Variants in PRICKLE1 observed in about 807,000 individuals in gnomAD.
The protein encoded by PRICKLE1 is prickle-like protein 1.
Under a neutral mutation model 70.2 loss-of-function variants are expected in PRICKLE1, and 14 were observed. The observed-to-expected ratio is 0.20, with a 90% CI of 0.13 to 0.31. The LOEUF is 0.31. Among genes scored for constraint, PRICKLE1 ranks in the 10% least tolerant of loss-of-function variants. The pLI is 1.00. For synonymous variants in PRICKLE1, 357 were observed against 379.9 expected (o/e 0.94, Z 0.70); for missense variants, 821 against 1,026.2 (o/e 0.80, Z 2.73).
In PRICKLE1 at chr12:42,466,370, G is replaced by A; in HGVS notation, c.599C>T (p.Ala200Val). ...ACCCTCAGCTTCTGTGCACTCATCA[G>A]CAAAAATTATCTTCAAAAAGAAATG... Reference protein sequence around the residue: ...RCSACDEIIFADECTEAEGRH... With the variant: ...RCSACDEIIFVDECTEAEGRH... The change falls in exon 6 of 8, where the codon GCT (alanine) becomes GTT (valine). Residue 200 changes from alanine (A) to valine (V), a missense_variant. By Grantham distance (64) the Ala-to-Val change is moderately conservative. Transcript: ENST00000345127. 1 of 1,613,978 alleles carries A rather than the reference G, an allele frequency of 6.2e-7. No individual in the cohort carries two copies. Among genetic ancestry groups the A allele is most frequent in the Non-Finnish European group, 8.5e-7 (1 of 1,179,916 alleles).
chr12:42,521,882 GT>G (rs1939714160), intron 1 of PRICKLE1, among the ~76,000 whole-genome samples: 1 of 146,352 alleles, frequency 6.8e-6, no homozygotes, highest in African/African-American at 2.5e-5. Flanking sequence ...TTTGCTTTTG[GT>G]TTTAGTTATC....
chr12:42,526,560 T>C (rs746671576), intron 1 of PRICKLE1, among the ~76,000 whole-genome samples: 56 of 152,036 alleles, frequency 3.7e-4, no homozygotes, highest in Non-Finnish European at 6.6e-4. Context: ...AGGTTCTGTG[T>C]GGCTGAGAGT....
intron 1 of PRICKLE1, among the ~76,000 whole-genome samples, chr12:42,578,057 GA>G (rs1940830990): frequency 6.6e-6 from 1 of 152,166 alleles, no homozygotes; most frequent in Admixed American, 6.5e-5. Context: ...AGATGAATAT[GA>G]AAGTGTTTTG....
intron 1 of PRICKLE1, among the ~76,000 whole-genome samples, chr12:42,502,654 A>C (rs1939336841): frequency 6.6e-6 from 1 of 151,990 alleles, no homozygotes. Context: ...TCTCCTTTCT[A>C]CTTTCAACTA....
At chr12:42,513,360 A>T (rs925487013) in intron 1 of PRICKLE1, among the ~76,000 whole-genome samples, 5 of 152,200 alleles carry the variant, frequency 3.3e-5, no homozygotes, top group African/African-American at 1.2e-4. Context: ...TCACTGATGT[A>T]GCTCCAATAC....
chr12:42,477,523 T>C (rs1938615274), intron 1 of PRICKLE1, among the ~76,000 whole-genome samples: 3 of 71,088 alleles, frequency 4.2e-5, no homozygotes, highest in African/African-American at 1.9e-4. Flanking sequence ...TATATATATA[T>C]ATATATATAT....
At chr12:42,478,091 G>A (rs1938640911) in intron 1 of PRICKLE1, among the ~76,000 whole-genome samples, 2 of 151,060 alleles carry the variant, frequency 1.3e-5, no homozygotes, top group East Asian at 3.9e-4. Context: ...ATTTGCTTTT[G>A]CATCATCATC....
chr12:42,550,548 G>A (rs7975402), intron 1 of PRICKLE1, among the ~76,000 whole-genome samples: 29,541 of 152,056 alleles, frequency 0.19, 5,145 homozygotes, highest in African/African-American at 0.47. Flanking sequence ...CCCAAATGTC[G>A]TATTATAGGG....
Position 42,513,125 on chromosome 12 carries a change from C to T in PRICKLE1, c.-48-40561G>A, listed in dbSNP as rs140147841. On this transcript the variant is annotated intron_variant, in intron 1 of 7. Coordinates refer to ENST00000345127, the MANE Select transcript of PRICKLE1 (RefSeq NM_153026.3). The stretch of plus-strand genomic sequence containing the variant: ...TACAGGCGCCTGCCACCATGCCTGG[C>T]TAATTTTTGTATTTTTAGTAGAAAG... Among the ~76,000 whole-genome samples the T allele has an allele frequency of 4.8e-3, 727 of 152,186 alleles. 6 individuals carry two copies. Among genetic ancestry groups the T allele is most frequent in the African/African-American group, 0.016 (675 of 41,542 alleles).
chr12:42,515,240 A>ATTT (rs11360372), intron 1 of PRICKLE1, among the ~76,000 whole-genome samples: 13 of 138,700 alleles, frequency 9.4e-5, no homozygotes, highest in African/African-American at 3.2e-4. Context: ...GGCATTATCT[A>ATTT]TTTTTTTTTT....
intron 1 of PRICKLE1, among the ~76,000 whole-genome samples, chr12:42,584,657 T>G (rs1405803009): frequency 6.6e-6 from 1 of 152,148 alleles, no homozygotes; most frequent in Non-Finnish European, 1.5e-5. Flanking sequence ...TGGAACACAC[T>G]TCGAAATGCT....
chr12:42,500,601 C>T (rs1243649908), intron 1 of PRICKLE1, among the ~76,000 whole-genome samples: 1 of 151,504 alleles, frequency 6.6e-6, no homozygotes. Context: ...CATTAACAAA[C>T]TTTTCAGACA....
intron 1 of PRICKLE1, among the ~76,000 whole-genome samples, chr12:42,496,314 A>G (rs1005389845): frequency 6.6e-6 from 1 of 152,246 alleles, no homozygotes; most frequent in East Asian, 1.9e-4. Flanking sequence ...ATAGTAAACC[A>G]TGCTATAAAC....
chr12:42,567,984 A>G (rs1351894554), intron 1 of PRICKLE1, among the ~76,000 whole-genome samples: 2 of 152,124 alleles, frequency 1.3e-5, no homozygotes. Context: ...TATGATTTGC[A>G]CATCTTTGGT....
chr12:42,519,460 T>G (rs1189396418), intron 1 of PRICKLE1, among the ~76,000 whole-genome samples: 1 of 152,134 alleles, frequency 6.6e-6, no homozygotes, highest in East Asian at 1.9e-4. Context: ...CCTCCCAAAG[T>G]GCCGGGATTA....
chr12:42,468,550 GCTTGATGTAAA>G (rs2140113155), intron 5 of PRICKLE1, 65 bp downstream of exon 5: 1 of 1,309,628 alleles, frequency 7.6e-7, no homozygotes, highest in African/African-American at 1.5e-5. Flanking sequence ...TTAGTATTTT[GCTTGATGTAAA>G]CAGTGGAATA....
chr12:42,503,599 G>A lies in PRICKLE1; in HGVS notation c.-48-31035C>T, dbSNP rs1185825440. 2.0e-5 allele frequency among the ~76,000 whole-genome samples: 3 copies of A among 152,252 alleles called. No homozygotes were observed. The East Asian group carries it at 5.8e-4, about 29-fold the overall frequency. On this transcript the variant is annotated intron_variant, in intron 1 of 7. Coordinates refer to ENST00000345127, the MANE Select transcript of PRICKLE1 (RefSeq NM_153026.3). The stretch of plus-strand genomic sequence containing the variant: ...TAACATACACACACAAAACAAACAA[G>A]AGCCACTGACTTCAATACTTGTTCT...
At chr12:42,512,711 G>C (rs1446170245) in intron 1 of PRICKLE1, among the ~76,000 whole-genome samples, 1 of 151,830 alleles carries the variant, frequency 6.6e-6, no homozygotes, top group Non-Finnish European at 1.5e-5. Flanking sequence ...AGGCTGGAGT[G>C]CAGTGGTGTG....
chr12:42,579,872 T>C (rs1242432978), intron 1 of PRICKLE1, among the ~76,000 whole-genome samples: 1 of 151,646 alleles, frequency 6.6e-6, no homozygotes, highest in Non-Finnish European at 1.5e-5. Flanking sequence ...AGATGGAGTT[T>C]ATATTATTTT....
Sources: gnomAD v4.1 joint callset for allele counts (sites outside exome capture counted in the v4.1 genomes callset) on GRCh38, gnomAD v4.1.1 for gene constraint, MANE v1.5 for transcripts, NCBI Gene and HGNC (gene_info 2026-07-23, HGNC 2026-07-21) for gene names.